The following MYO9B variants were observed in gnomAD, a reference collection of about 807,000 sequenced individuals.
MYO9B encodes the protein unconventional myosin-IXb.
A neutral mutation model predicts 229.5 loss-of-function variants in MYO9B; 71 were observed. The ratio of observed to expected loss-of-function variants is 0.31; its 90% CI spans 0.26 to 0.38. MYO9B has a LOEUF of 0.38. Ranked by LOEUF, MYO9B falls within the 10% of genes least tolerant of loss-of-function variation. The probability of loss-of-function intolerance (pLI) is 1.00; values close to 1 mark genes in which losing one functional copy is unlikely to be tolerated. For synonymous variants in MYO9B, 1,185 were observed against 1,235.8 expected, an observed-to-expected ratio of 0.96 and a Z score of 0.86; for missense variants, 2,255 against 2,920.5, an observed-to-expected ratio of 0.77 and a Z score of 5.25.
intron 10 of MYO9B, among the ~76,000 whole-genome samples, chr19:17,163,997 G>A (rs2072632928): frequency 6.6e-6 from 1 of 152,228 alleles, no homozygotes; most frequent in Non-Finnish European, 1.5e-5. Flanking sequence ...TATATACCCA[G>A]AAGTGGACTT....
chr19:17,211,688 G>T lies in MYO9B; in HGVS notation c.5972G>T (p.Gly1991Val). The T allele has an allele frequency of 3.1e-6, 5 of 1,612,182 alleles. No individual in the cohort carries two copies. Among genetic ancestry groups the T allele is most frequent in the Non-Finnish European group, 4.2e-6 (5 of 1,179,500 alleles). Reference protein sequence around the residue: ...TYRLPELDPRGSDEENLDSET... With the variant: ...TYRLPELDPRVSDEENLDSET... ...CGGCTGCCGGAGCTGGACCCAAGGG[G>T]CTCGGACGAGGAGAACCTGGACTCG... Residue 1991 changes from glycine (G) to valine (V), a missense_variant, in exon 39 of 40, where the codon GGC (glycine) becomes GTC (valine). Gly to Val is a moderately radical substitution (Grantham distance 109). This residue lies in a region of MYO9B where 331 missense variants were observed against 332.5 expected (regional missense o/e 1.00). Coordinates refer to ENST00000682292, the MANE Select transcript of MYO9B (RefSeq NM_004145.4).
intron 2 of MYO9B, among the ~76,000 whole-genome samples, chr19:17,143,649 C>T (rs760945532): frequency 1.9e-4 from 29 of 151,922 alleles, no homozygotes; most frequent in Admixed American, 5.9e-4. Context: ...GGGCCAGGCA[C>T]AGTGGCTCAC....
chr19:17,159,098 G>C (rs113249190), intron 7 of MYO9B, among the ~76,000 whole-genome samples: 4 of 151,934 alleles, frequency 2.6e-5, no homozygotes, highest in African/African-American at 9.7e-5. Context: ...GGAGGCTGAG[G>C]CAGGAGAATT....
intron 2 of MYO9B, chr19:17,103,202 C>A (rs2145037919): frequency 6.6e-6 from 1 of 152,374 alleles, no homozygotes; most frequent in Non-Finnish European, 1.5e-5. Context: ...CAGAGACAGA[C>A]CCTGCCTCTA....
At chr19:17,170,106 A>AG (rs2072706513) in intron 11 of MYO9B, among the ~76,000 whole-genome samples, 1 of 151,616 alleles carries the variant, frequency 6.6e-6, no homozygotes, top group Non-Finnish European at 1.5e-5. Flanking sequence ...TGTATTGCCC[A>AG]GGCTAGTCTT....
Position 17,210,790 on chromosome 19 carries a change from G to C in MYO9B, c.5872G>C (p.Asp1958His), listed in dbSNP as rs369698985. Reference protein sequence around the residue: ...VLLEEEAAGGDEDREKEILIE... With the variant: ...VLLEEEAAGGHEDREKEILIE... ...GCTGGAGGAGGAGGCAGCCGGCGGC[G>C]ATGAGGACCGGGAAAAGGAGATTCT... The change falls in exon 38 of 40, where the codon GAT becomes CAT. Residue 1958 changes from aspartate (D) to histidine (H), a missense_variant. By Grantham distance (81) the Asp-to-His change is moderately conservative. Coordinates refer to ENST00000682292, the MANE Select transcript of MYO9B (RefSeq NM_004145.4). 12 of 1,590,172 alleles carry C rather than the reference G, an allele frequency of 7.5e-6. No homozygotes were observed. Among genetic ancestry groups the C allele is most frequent in the Non-Finnish European group, 1.0e-5 (12 of 1,168,958 alleles).
intron 24 of MYO9B, among the ~76,000 whole-genome samples, chr19:17,199,184 G>A (rs951313587): frequency 2.0e-5 from 3 of 151,434 alleles, no homozygotes; most frequent in African/African-American, 7.3e-5. Context: ...GCCTGGGCAA[G>A]AGAATGACAC....
chr19:17,100,615 T>C (rs1434220882), intron 1 of MYO9B, among the ~76,000 whole-genome samples: 1 of 152,214 alleles, frequency 6.6e-6, no homozygotes. Flanking sequence ...TCCTATCGCA[T>C]TGAGAATCTC....
At chr19:17,090,897 C>T (rs181538531) in intron 1 of MYO9B, among the ~76,000 whole-genome samples, 9 of 152,266 alleles carry the variant, frequency 5.9e-5, no homozygotes, top group East Asian at 5.8e-4. Context: ...CTTCCATTCC[C>T]GCCAGAACCA....
chr19:17,168,909 G>A (rs566705772), intron 11 of MYO9B, among the ~76,000 whole-genome samples: 2 of 152,330 alleles, frequency 1.3e-5, no homozygotes, highest in Non-Finnish European at 2.9e-5. Context: ...ACAGGGCGCT[G>A]TGAAGGCAGA....
chr19:17,135,567 C>T (rs1351493027), intron 2 of MYO9B, among the ~76,000 whole-genome samples: 1 of 152,160 alleles, frequency 6.6e-6, no homozygotes, highest in East Asian at 1.9e-4. Context: ...CCGCACTTCC[C>T]CCTCGGATGT....
intron 31 of MYO9B, among the ~76,000 whole-genome samples, chr19:17,205,610 C>T (rs1043239532): frequency 8.5e-5 from 13 of 152,144 alleles, no homozygotes; most frequent in African/African-American, 2.9e-4. Context: ...CAGAGGGAGG[C>T]CCCCCAACTC....
intron 28 of MYO9B, 140 bp downstream of exon 28, chr19:17,202,443 C>T (rs1010127680): frequency 1.1e-6 from 1 of 871,972 alleles, no homozygotes; most frequent in African/African-American, 1.7e-5. Context: ...GCCACTGTGC[C>T]ATGACTTGAT....
At chr19:17,206,491 C>T (rs2073163972) in intron 33 of MYO9B, 115 bp downstream of exon 33, 1 of 1,462,958 alleles carries the variant, frequency 6.8e-7, no homozygotes, top group African/African-American at 1.4e-5. Context: ...AACTGAGGCC[C>T]AAAGCAGTCG....
chr19:17,086,907 T>C (rs8105701), intron 1 of MYO9B, among the ~76,000 whole-genome samples: 116,223 of 151,466 alleles, frequency 0.77, 45,108 homozygotes, highest in African/African-American at 0.86. Context: ...CCAGACATTG[T>C]CAGATGTCTG....
At chr19:17,135,146 C>G (rs993233352) in intron 2 of MYO9B, among the ~76,000 whole-genome samples, 3 of 152,160 alleles carry the variant, frequency 2.0e-5, no homozygotes, top group African/African-American at 7.2e-5. Context: ...ATTTCTTCCA[C>G]GTACTGATGT....
At chr19:17,170,949 G>A (rs117225092) in intron 11 of MYO9B, among the ~76,000 whole-genome samples, 8 of 151,986 alleles carry the variant, frequency 5.3e-5, no homozygotes, top group East Asian at 1.9e-4. Flanking sequence ...CAGCAGGCTC[G>A]AGTCTCTTTA....
intron 3 of MYO9B, among the ~76,000 whole-genome samples, chr19:17,151,923 C>T (rs183784482): frequency 1.3e-4 from 20 of 152,270 alleles, no homozygotes; most frequent in Non-Finnish European, 2.1e-4. Context: ...TGCAGTGGCT[C>T]ATGCCTATAA....
Position 17,172,602 on chromosome 19 carries a change from G to A in MYO9B, c.1935+125G>A, listed in dbSNP as rs1438437785. 1.1e-5 allele frequency: 16 copies of A among 1,460,596 alleles called. No homozygotes were observed. The highest frequency in any genetic ancestry group is 2.0e-5 in the Admixed American group (1 of 49,820). The allele number at this position is 1,460,596 out of a possible 1,614,324, so 90.5% of individuals were successfully genotyped here. On this transcript the variant is annotated intron_variant, in intron 12 of 39. Transcript: ENST00000682292. This position sits in a 1 kb window ranked among gnomAD's most constrained non-coding sequence, Gnocchi z 8.2. ...TGCTCAGAACCCACCGCGAATCCCC[G>A]GCTCCAATGTCCAAGGCGCCATAGT...
Sources: gnomAD v4.1 joint callset for allele counts (sites outside exome capture counted in the v4.1 genomes callset) on GRCh38, gnomAD v4.1.1 for gene constraint, gnomAD v4.1.1 regional missense constraint, Gnocchi (gnomAD v3.1) non-coding constraint, MANE v1.5 for transcripts, NCBI Gene and HGNC (gene_info 2026-07-23, HGNC 2026-07-21) for gene names.